PCBP3: variants seen among roughly 807,000 people sequenced by gnomAD.
PCBP3 encodes poly(rC)-binding protein 3.
PCBP3 carries 25 observed loss-of-function variants against 52.7 expected under a neutral mutation model. The ratio of observed to expected loss-of-function variants is 0.47; its 90% CI spans 0.35 to 0.66. The LOEUF (loss-of-function observed/expected upper bound fraction) is 0.66, where lower values mean the gene tolerates loss of function less well. Among genes scored for constraint, PCBP3 ranks in the 30% least tolerant of loss-of-function variants. The pLI is 0.01. For synonymous variants in PCBP3, 162 were observed against 183.0 expected (o/e 0.89, Z 0.93); for missense variants, 391 against 490.3 (o/e 0.80, Z 1.91).
intron 2 of PCBP3, among the ~76,000 whole-genome samples, chr21:45,715,255 T>C (rs918959964): frequency 2.6e-5 from 4 of 152,202 alleles, no homozygotes; most frequent in African/African-American, 9.6e-5. Context: ...GCTTCGGTGG[T>C]ATCTGCAAGC....
At chr21:45,695,666 C>A (rs893877156) in intron 2 of PCBP3, among the ~76,000 whole-genome samples, 3 of 152,086 alleles carry the variant, frequency 2.0e-5, no homozygotes, top group African/African-American at 7.2e-5. Context: ...ACTAGTTATT[C>A]TTTTTATTAA....
intron 15 of PCBP3, among the ~76,000 whole-genome samples, chr21:45,934,143 G>A (rs1048959811): frequency 6.6e-6 from 1 of 152,124 alleles, no homozygotes; most frequent in African/African-American, 2.4e-5. Context: ...GGGGTATTCT[G>A]AAGGTACATC....
At chr21:45,793,290 A>T (rs1034109310) in intron 4 of PCBP3, among the ~76,000 whole-genome samples, 2 of 152,110 alleles carry the variant, frequency 1.3e-5, no homozygotes, top group African/African-American at 4.8e-5. Context: ...GCCACGGACT[A>T]TTGAGAACGC....
In PCBP3 at chr21:45,885,394, G is replaced by A. The variant is rs2095494001; in HGVS notation, c.11-10814G>A. Reference sequence around the variant, plus strand: ...TTTCCTTGGATTTATCCTGTTTGGGGTTTACTCAGCTTCTCAAATATGTAG... The same window carrying A: ...TTTCCTTGGATTTATCCTGTTTGGGATTTACTCAGCTTCTCAAATATGTAG... On this transcript the variant is annotated intron_variant, in intron 5 of 17. Transcript: ENST00000681687. 2.0e-5 allele frequency among the ~76,000 whole-genome samples: 3 copies of A among 152,086 alleles called. No individual in the cohort carries two copies. The South Asian group carries it at 6.2e-4, about 32-fold the overall frequency.
At chr21:45,876,949 G>C (rs921811156) in intron 5 of PCBP3, among the ~76,000 whole-genome samples, 2 of 152,254 alleles carry the variant, frequency 1.3e-5, no homozygotes, top group Non-Finnish European at 2.9e-5. Context: ...CCTTCTCGGG[G>C]CAAGCAGTGG....
At chr21:45,673,934 G>T (rs2147344226) in intron 2 of PCBP3, among the ~76,000 whole-genome samples, 1 of 152,192 alleles carries the variant, frequency 6.6e-6, no homozygotes, top group East Asian at 1.9e-4. Context: ...AAGCAAAAAA[G>T]AAACAATCCA....
intron 4 of PCBP3, among the ~76,000 whole-genome samples, chr21:45,792,256 G>A (rs921161207): frequency 1.3e-5 from 2 of 152,264 alleles, no homozygotes; most frequent in East Asian, 1.9e-4. Context: ...GCAGCAACCC[G>A]CAGAGCTGCG....
intron 1 of PCBP3, among the ~76,000 whole-genome samples, chr21:45,654,475 G>A (rs1466018950): frequency 6.6e-6 from 1 of 151,626 alleles, no homozygotes; most frequent in Non-Finnish European, 1.5e-5. Context: ...CCAGTAGCTG[G>A]GACTACAGGT....
intron 5 of PCBP3, chr21:45,871,474 AG>A (rs925423974): frequency 1.3e-5 from 2 of 153,040 alleles, no homozygotes; most frequent in African/African-American, 4.8e-5. Context: ...CCAGGACCCC[AG>A]GGGCAGGGGT....
At chr21:45,646,107 C>CTCTCTCTCTCTGTGTGTGTGTG (rs1555895746) in intron 1 of PCBP3, among the ~76,000 whole-genome samples, 1 of 83,782 alleles carries the variant, frequency 1.2e-5, no homozygotes, top group Non-Finnish European at 2.3e-5. Flanking sequence ...CTCTCTCTCT[C>CTCTCTCTCTCTGTGTGTGTGTG]TGTGTGTGTG....
intron 5 of PCBP3, among the ~76,000 whole-genome samples, chr21:45,868,009 A>T (rs546410581): frequency 6.6e-6 from 1 of 152,400 alleles, no homozygotes; most frequent in East Asian, 1.9e-4. Flanking sequence ...AGGCCACAGG[A>T]GGCTGGCAGC....
At chr21:45,921,435 G>A (rs1233319432) in intron 13 of PCBP3, among the ~76,000 whole-genome samples, 3 of 152,162 alleles carry the variant, frequency 2.0e-5, no homozygotes, top group Non-Finnish European at 4.4e-5. Context: ...ATTTCTTTAT[G>A]TAAAACTAAA....
Position 45,671,379 on chromosome 21 carries a change from A to C in PCBP3, c.-200+2427A>C, listed in dbSNP as rs570998568. 2.0e-5 allele frequency among the ~76,000 whole-genome samples: 3 copies of C among 152,262 alleles called. No homozygotes were observed. The South Asian group carries it at 6.2e-4, about 32-fold the overall frequency. On this transcript the variant is annotated intron_variant, in intron 2 of 17. Transcript: ENST00000681687. ...CAGTTGTCGCTCTTGTCGTTTGATG[A>C]CTGAACTGACACACAGGTTGTCTGC...
intron 5 of PCBP3, among the ~76,000 whole-genome samples, chr21:45,870,316 G>A (rs2094948301): frequency 6.6e-6 from 1 of 152,166 alleles, no homozygotes; most frequent in Non-Finnish European, 1.5e-5. Context: ...TTAAGACGCT[G>A]AAAGAAATGA....
At chr21:45,851,575 G>A (rs1187995946) in intron 5 of PCBP3, among the ~76,000 whole-genome samples, 15 of 151,568 alleles carry the variant, frequency 9.9e-5, no homozygotes, top group Admixed American at 9.9e-4. Flanking sequence ...ATAGAAAGGA[G>A]TGAATGAGTG....
chr21:45,891,174 G>C (rs190625151), intron 5 of PCBP3, among the ~76,000 whole-genome samples: 4 of 133,590 alleles, frequency 3.0e-5, no homozygotes, highest in Non-Finnish European at 5.0e-5. Flanking sequence ...TAGTGGAACC[G>C]CCGTGCCGCA....
chr21:45,939,641 G>A (rs773168986), intron 16 of PCBP3, among the ~76,000 whole-genome samples: 3 of 152,250 alleles, frequency 2.0e-5, no homozygotes, highest in African/African-American at 7.2e-5. Flanking sequence ...TGCAGACACC[G>A]CTGGGCCATG....
At chr21:45,681,343 T>G (rs1300936656) in intron 2 of PCBP3, among the ~76,000 whole-genome samples, 1 of 152,234 alleles carries the variant, frequency 6.6e-6, no homozygotes, top group Non-Finnish European at 1.5e-5. Context: ...CCTGTAAATA[T>G]GAAGTACTAC....
At chr21:45,784,445 A>C (rs2090934046) in intron 4 of PCBP3, among the ~76,000 whole-genome samples, 2 of 137,312 alleles carry the variant, frequency 1.5e-5, no homozygotes, top group East Asian at 2.1e-4. Flanking sequence ...CCTACCTCCT[A>C]CCTCCTACCT....
Sources: allele counts gnomAD v4.1 joint callset (sites outside exome capture counted in the v4.1 genomes callset), GRCh38; gene constraint gnomAD v4.1.1; transcripts MANE v1.5; gene names NCBI Gene and HGNC (gene_info 2026-07-23, HGNC 2026-07-21).